The following HTT variants were observed in gnomAD, a reference collection of about 807,000 sequenced individuals.
The protein encoded by HTT is huntington disease protein.
Under a neutral mutation model 362.3 loss-of-function variants are expected in HTT, and 104 were observed. The observed-to-expected ratio is 0.29, with a 90% CI of 0.24 to 0.34. HTT has a LOEUF of 0.34. HTT is among the 10% of genes least tolerant of loss of function. HTT has a pLI of 1.00. For synonymous variants in HTT, 1,577 were observed against 1,548.7 expected (o/e 1.02, Z -0.43); for missense variants, 3,301 against 3,928.6 (o/e 0.84, Z 4.27).
At position 3,127,547 on chromosome 4, in the gene HTT, C is replaced by T. The variant is rs1028639848; in HGVS notation, c.1686C>T (p.Ser562=). The change falls in exon 12 of 67, where the codon TCC becomes TCT. Residue 562 remains serine (S), a synonymous_variant. Transcript: ENST00000355072. ...CCTCGTCGCCCATCAGCGACAGCTC[C>T]CAGACCACCACCGAAGGGCCTGATT... ...TQASSPISDS[S]QTTTEGPDSA... is the part of the protein sequence containing the mutation. The T allele has an allele frequency of 8.1e-6, 13 of 1,614,038 alleles. No individual in the cohort carries two copies. Among genetic ancestry groups the T allele is most frequent in the Admixed American group, 6.7e-5 (4 of 59,998 alleles).
intron 57 of HTT, among the ~76,000 whole-genome samples, chr4:3,227,897 A>G (rs906521878): frequency 4.6e-5 from 7 of 151,846 alleles, no homozygotes; most frequent in Admixed American, 3.9e-4. Flanking sequence ...TTTGGGAAAG[A>G]GGGGTGGGGG....
chr4:3,152,165 C>T (rs1170879655), intron 26 of HTT, among the ~76,000 whole-genome samples: 1 of 151,028 alleles, frequency 6.6e-6, no homozygotes, highest in Non-Finnish European at 1.5e-5. Flanking sequence ...TTGGCGCGAT[C>T]TCAGCTCACT....
At chr4:3,145,990 A>G (rs1332927158) in intron 24 of HTT, among the ~76,000 whole-genome samples, 7 of 152,230 alleles carry the variant, frequency 4.6e-5, no homozygotes, top group Non-Finnish European at 8.8e-5. Context: ...ATTTAAAGAA[A>G]GTTAAAAATC....
At chr4:3,086,176 A>T (rs1215116979) in intron 1 of HTT, among the ~76,000 whole-genome samples, 1 of 152,248 alleles carries the variant, frequency 6.6e-6, no homozygotes, top group Non-Finnish European at 1.5e-5. Context: ...GTTTCTAATC[A>T]AACTATACCA....
At chr4:3,169,775 TG>T (rs1233910377) in intron 29 of HTT, among the ~76,000 whole-genome samples, 1 of 152,210 alleles carries the variant, frequency 6.6e-6, no homozygotes, top group African/African-American at 2.4e-5. Flanking sequence ...GGTTTCACCA[TG>T]TTGGCCAAAC....
rs1560549259 is a variant in HTT, at chr4:3,105,441, G to A, written c.608+5G>A. 22 of 1,601,326 alleles carry A rather than the reference G, an allele frequency of 1.4e-5. No homozygotes were observed. The highest frequency in any genetic ancestry group is 1.3e-4 in the East Asian group (6 of 44,824). On this transcript the variant is annotated splice_donor_5th_base_variant and intron_variant, in intron 5 of 66. Coordinates refer to ENST00000355072, the MANE Select transcript of HTT (RefSeq NM_001388492.1). ...GGTTCGGCCTCAGAAATGCAGGTAAGTTGTACACTCTGGATGTTGGTTTTT... is the reference window on the plus strand; with the variant it reads ...GGTTCGGCCTCAGAAATGCAGGTAAATTGTACACTCTGGATGTTGGTTTTT...
chr4:3,076,796 G>A (rs1712576865), intron 1 of HTT, among the ~76,000 whole-genome samples: 1 of 152,144 alleles, frequency 6.6e-6, no homozygotes, highest in Admixed American at 6.5e-5. Context: ...TTCAAAATAT[G>A]GGTATCAAGA....
At chr4:3,202,608 T>A (rs1210910728) in intron 41 of HTT, among the ~76,000 whole-genome samples, 1 of 152,180 alleles carries the variant, frequency 6.6e-6, no homozygotes, top group Non-Finnish European at 1.5e-5. Context: ...AGAGGAGTGC[T>A]GTCACTTCAA....
At chr4:3,118,618 AT>A (rs1715143130) in intron 8 of HTT, among the ~76,000 whole-genome samples, 1 of 152,212 alleles carries the variant, frequency 6.6e-6, no homozygotes, top group African/African-American at 2.4e-5. Context: ...TTTCTCATAG[AT>A]TAGCAAGAGT....
intron 3 of HTT, among the ~76,000 whole-genome samples, chr4:3,103,221 A>ATTTTTTTT (rs748779241): frequency 9.2e-6 from 1 of 109,070 alleles, no homozygotes. Context: ...TATATATATA[A>ATTTTTTTT]TTTTTTTTTT....
At chr4:3,091,341 C>T (rs1233722027) in intron 2 of HTT, among the ~76,000 whole-genome samples, 1 of 151,712 alleles carries the variant, frequency 6.6e-6, no homozygotes, top group East Asian at 1.9e-4. Flanking sequence ...CCTCATATTG[C>T]AAACAAACAT....
intron 66 of HTT, among the ~76,000 whole-genome samples, chr4:3,239,519 G>T (rs754958253): frequency 6.6e-6 from 1 of 152,192 alleles, no homozygotes; most frequent in East Asian, 1.9e-4. Context: ...GGCGTGCCTG[G>T]CACGGCTCTG....
At chr4:3,160,728 A>G (rs1338076671) in intron 29 of HTT, among the ~76,000 whole-genome samples, 2 of 151,902 alleles carry the variant, frequency 1.3e-5, no homozygotes, top group Non-Finnish European at 2.9e-5. Flanking sequence ...CAGACGGGTA[A>G]GGGGGCGGGG....
chr4:3,156,350 C>G (rs1374643345), intron 27 of HTT, among the ~76,000 whole-genome samples: 1 of 152,156 alleles, frequency 6.6e-6, no homozygotes, highest in Non-Finnish European at 1.5e-5. Flanking sequence ...GAACTCCTGA[C>G]CTCAAGTGAT....
intron 36 of HTT, among the ~76,000 whole-genome samples, chr4:3,182,041 T>A (rs886244094): frequency 2.6e-5 from 4 of 152,260 alleles, no homozygotes; most frequent in Admixed American, 1.3e-4. Context: ...ATACATTTGA[T>A]TTTCATGTTG....
At chr4:3,216,090 G>A (rs931882362) in intron 51 of HTT, among the ~76,000 whole-genome samples, 32 of 152,190 alleles carry the variant, frequency 2.1e-4, no homozygotes, top group African/African-American at 7.7e-4. Context: ...GAGTGCACCA[G>A]TGCTTTTGGG....
At position 3,146,868 on chromosome 4, in the gene HTT, C is replaced by G; in HGVS notation, c.3215C>G (p.Thr1072Ser). 1 of 1,614,104 alleles carries G rather than the reference C, an allele frequency of 6.2e-7. No homozygotes were observed. Among genetic ancestry groups the G allele is most frequent in the Non-Finnish European group, 8.5e-7 (1 of 1,179,938 alleles). ...GTTGGGATGGCCACAATGATTCTGA[C>G]CCTGCTCTCGTCAGCTTGGTTCCCA... is the stretch of plus-strand genomic sequence containing the variant. ...CTVGMATMIL[T>S]LLSSAWFPLD... The change falls in exon 25 of 67, where the codon ACC becomes AGC. Residue 1072 changes from threonine (T) to serine (S), a missense_variant. Thr to Ser is a moderately conservative substitution (Grantham distance 58, BLOSUM62 1). Around this residue, in one of 4 missense-constraint regions of HTT, gnomAD observed 2,316 missense variants for 2,658.5 expected, o/e 0.87. Transcript: ENST00000355072.
At chr4:3,139,278 A>G (rs1716223961) in intron 21 of HTT, among the ~76,000 whole-genome samples, 1 of 152,168 alleles carries the variant, frequency 6.6e-6, no homozygotes, top group African/African-American at 2.4e-5. Context: ...GCTCATTGCA[A>G]CTATTGCCTC....
At chr4:3,096,741 C>G (rs1280149701) in intron 2 of HTT, among the ~76,000 whole-genome samples, 1 of 152,166 alleles carries the variant, frequency 6.6e-6, no homozygotes, top group Non-Finnish European at 1.5e-5. Flanking sequence ...CATTAAATGC[C>G]TGTTTTAGGA....
Sources: allele counts gnomAD v4.1 joint callset (sites outside exome capture counted in the v4.1 genomes callset), GRCh38; gene constraint gnomAD v4.1.1; regional missense constraint gnomAD v4.1.1; transcripts MANE v1.5; gene names NCBI Gene and HGNC (gene_info 2026-07-23, HGNC 2026-07-21).